FRMD4A: variants seen among roughly 807,000 people sequenced by gnomAD.
FRMD4A encodes the protein FERM domain-containing protein 4A.
FRMD4A carries 29 observed loss-of-function variants against 129.1 expected under a neutral mutation model. That is an observed-to-expected ratio of 0.22 (90% confidence interval 0.17 to 0.31). FRMD4A has a LOEUF of 0.31. Ranked by LOEUF, FRMD4A falls within the 10% of genes least tolerant of loss-of-function variation. The pLI, the probability that FRMD4A is intolerant of heterozygous loss-of-function variation, is 1.00. For synonymous variants in FRMD4A, 634 were observed against 571.6 expected (o/e 1.11, Z -1.56); for missense variants, 1,272 against 1,375.8 (o/e 0.92, Z 1.19).
intron 6 of FRMD4A, among the ~76,000 whole-genome samples, chr10:13,765,646 A>T (rs1168741032): frequency 6.6e-6 from 1 of 152,188 alleles, no homozygotes; most frequent in South Asian, 2.1e-4. Context: ...ATAATTCCTT[A>T]CGTTTAACCA....
At chr10:14,156,867 T>C (rs544978615) in intron 2 of FRMD4A, among the ~76,000 whole-genome samples, 1 of 152,308 alleles carries the variant, frequency 6.6e-6, no homozygotes, top group Non-Finnish European at 1.5e-5. Flanking sequence ...TCTTCATCCT[T>C]TGTTAGTCTA....
intron 5 of FRMD4A, among the ~76,000 whole-genome samples, chr10:13,796,045 G>T (rs2093109731): frequency 6.6e-6 from 1 of 152,170 alleles, no homozygotes; most frequent in Non-Finnish European, 1.5e-5. Context: ...GTGGTTTGCT[G>T]CTGGGTTTCG....
chr10:13,902,855 A>AC (rs34805002), intron 2 of FRMD4A, among the ~76,000 whole-genome samples: 30,942 of 144,808 alleles, frequency 0.21, 3,667 homozygotes, highest in Middle Eastern at 0.33. Flanking sequence ...AAAAAAAAAA[A>AC]AACAACAACA....
intron 17 of FRMD4A, among the ~76,000 whole-genome samples, chr10:13,667,087 T>G (rs1199433272): frequency 6.6e-6 from 1 of 152,076 alleles, no homozygotes; most frequent in Non-Finnish European, 1.5e-5. Context: ...AACTTTTGTA[T>G]TTTTAGTAGA....
intron 2 of FRMD4A, chr10:13,890,685 C>T: frequency 1.0e-6 from 1 of 985,198 alleles, no homozygotes; most frequent in East Asian, 1.1e-4. Flanking sequence ...AGCGTCTCCA[C>T]TGGGATGCTC....
intron 2 of FRMD4A, among the ~76,000 whole-genome samples, chr10:14,065,924 C>T (rs1193161434): frequency 6.6e-6 from 1 of 152,002 alleles, no homozygotes; most frequent in Non-Finnish European, 1.5e-5. Context: ...CCCTGTTATC[C>T]TTGCTGACAT....
intron 2 of FRMD4A, among the ~76,000 whole-genome samples, chr10:14,191,053 G>A (rs191535648): frequency 6.7e-4 from 102 of 152,310 alleles, no homozygotes; most frequent in African/African-American, 2.3e-3. Flanking sequence ...TCTCACAGGT[G>A]GAGAGAGTTT....
chr10:14,273,312 C>A (rs771485670), intron 2 of FRMD4A, among the ~76,000 whole-genome samples: 21 of 152,084 alleles, frequency 1.4e-4, no homozygotes, highest in Admixed American at 8.5e-4. Flanking sequence ...ATTCTGCCAT[C>A]TTAGAGAGCT....
intron 2 of FRMD4A, among the ~76,000 whole-genome samples, chr10:14,322,851 A>T (rs1273262384): frequency 6.6e-6 from 1 of 152,234 alleles, no homozygotes; most frequent in Admixed American, 6.5e-5. Context: ...CCAGTAATGT[A>T]TGTTCTCCAA....
At chr10:14,033,802 GAC>G (rs1491043949) in intron 2 of FRMD4A, among the ~76,000 whole-genome samples, 5 of 142,436 alleles carry the variant, frequency 3.5e-5, no homozygotes, top group African/African-American at 5.3e-5. Flanking sequence ...GAGAGAGAGA[GAC>G]AGAGAGAGAA....
chr10:14,185,443 T>A lies in FRMD4A; in HGVS notation c.45+144615A>T, dbSNP rs143469146. Among the ~76,000 whole-genome samples the A allele has an allele frequency of 1.4e-4, 21 of 152,354 alleles. No homozygotes were observed. In the South Asian group the frequency reaches 3.3e-3, roughly 24 times the overall value. Reference sequence around the variant, plus strand: ...TAAGGAGAGCTAGTACAGATGAGGATGTCGTGGCAGAAATTAGTACAAAAA... The same window carrying A: ...TAAGGAGAGCTAGTACAGATGAGGAAGTCGTGGCAGAAATTAGTACAAAAA... On this transcript the variant is annotated intron_variant, in intron 2 of 24. Coordinates refer to ENST00000357447, the MANE Select transcript of FRMD4A (RefSeq NM_018027.5).
chr10:13,912,520 AT>A (rs57865883), intron 2 of FRMD4A, among the ~76,000 whole-genome samples: 84 of 126,172 alleles, frequency 6.7e-4, no homozygotes, highest in Middle Eastern at 4.1e-3. Context: ...ACATAATAGA[AT>A]TTTTTTTTTT....
intron 2 of FRMD4A, among the ~76,000 whole-genome samples, chr10:13,912,720 G>A (rs1052213803): frequency 3.3e-5 from 5 of 151,672 alleles, no homozygotes; most frequent in Admixed American, 3.3e-4. Flanking sequence ...TAGTAGAGAC[G>A]GGGTTTCACC....
intron 3 of FRMD4A, among the ~76,000 whole-genome samples, chr10:13,840,608 G>T (rs936606583): frequency 3.4e-5 from 5 of 149,150 alleles, no homozygotes; most frequent in African/African-American, 1.2e-4. Context: ...GGCCAACATG[G>T]TGAAACCCCG....
intron 13 of FRMD4A, 97 bp from the exon 14 acceptor site, chr10:13,701,575 A>C: frequency 8.9e-7 from 1 of 1,126,494 alleles, no homozygotes; most frequent in East Asian, 2.4e-5. Flanking sequence ...GCGTCCTAGA[A>C]GCCCTGGCGT....
intron 2 of FRMD4A, among the ~76,000 whole-genome samples, chr10:14,171,793 T>C (rs1463443108): frequency 1.3e-5 from 2 of 152,214 alleles, no homozygotes; most frequent in Non-Finnish European, 2.9e-5. Context: ...TGCCAAAATT[T>C]AGCTCTAGGA....
At chr10:14,152,319 G>A (rs992964786) in intron 2 of FRMD4A, among the ~76,000 whole-genome samples, 1 of 151,486 alleles carries the variant, frequency 6.6e-6, no homozygotes, top group Non-Finnish European at 1.5e-5. Context: ...TAGTACAGAC[G>A]GGGTTTCACC....
At chr10:13,762,152 G>C (rs1397015799) in intron 7 of FRMD4A, among the ~76,000 whole-genome samples, 1 of 152,168 alleles carries the variant, frequency 6.6e-6, no homozygotes, top group Admixed American at 6.5e-5. Context: ...AAGGAATAAA[G>C]AAATGATATC....
At chr10:13,732,713 C>T (rs1299833419) in intron 12 of FRMD4A, among the ~76,000 whole-genome samples, 1 of 152,210 alleles carries the variant, frequency 6.6e-6, no homozygotes, top group Non-Finnish European at 1.5e-5. Flanking sequence ...CAGAGATGTG[C>T]CAAGCACCAG....
Sources: allele counts gnomAD v4.1 joint callset (sites outside exome capture counted in the v4.1 genomes callset), GRCh38; gene constraint gnomAD v4.1.1; transcripts MANE v1.5; gene names NCBI Gene and HGNC (gene_info 2026-07-23, HGNC 2026-07-21).